TNIP3: variants seen among roughly 807,000 people sequenced by gnomAD.
The protein encoded by TNIP3 is TNFAIP3 interacting protein 3.
A neutral mutation model predicts 54.1 loss-of-function variants in TNIP3; 34 were observed. The ratio of observed to expected loss-of-function variants is 0.63; its 90% CI spans 0.48 to 0.84. The LOEUF (loss-of-function observed/expected upper bound fraction) is 0.84, where lower values mean the gene tolerates loss of function less well. TNIP3 is among the 40% of genes least tolerant of loss of function. The pLI, the probability that TNIP3 is intolerant of heterozygous loss-of-function variation, is 0.00. For synonymous variants in TNIP3, 134 were observed against 136.8 expected (o/e 0.98, Z 0.14); for missense variants, 366 against 387.6 (o/e 0.94, Z 0.47).
chr4:121,209,114 G>GTGC (rs1449943740), intron 2 of TNIP3, among the ~76,000 whole-genome samples: 1 of 152,254 alleles, frequency 6.6e-6, no homozygotes, highest in Non-Finnish European at 1.5e-5. Context: ...ACACATTGAT[G>GTGC]TGCTGGGAAG....
chr4:121,181,184 G>A (rs142000585), intron 3 of TNIP3, among the ~76,000 whole-genome samples: 2,330 of 152,312 alleles, frequency 0.015, 27 homozygotes, highest in Middle Eastern at 0.024. Context: ...GAATTGCAAA[G>A]AAGGTCAGTC....
intron 4 of TNIP3, among the ~76,000 whole-genome samples, chr4:121,155,791 A>G (rs1277463753): frequency 2.0e-5 from 3 of 152,238 alleles, no homozygotes; most frequent in South Asian, 4.1e-4. Flanking sequence ...AATAGCTAAT[A>G]TATGTGTTAA....
chr4:121,152,458 A>C (rs1040907182), intron 5 of TNIP3, among the ~76,000 whole-genome samples: 2 of 152,106 alleles, frequency 1.3e-5, no homozygotes. Flanking sequence ...GCATCCTTTT[A>C]TTTTTTGCTC....
At chr4:121,188,446 T>C (rs1725134519) in intron 2 of TNIP3, among the ~76,000 whole-genome samples, 1 of 152,172 alleles carries the variant, frequency 6.6e-6, no homozygotes, top group Non-Finnish European at 1.5e-5. Flanking sequence ...GATTTTCAGG[T>C]GTTTGGAGCC....
At chr4:121,197,440 A>C (rs545275200) in intron 2 of TNIP3, among the ~76,000 whole-genome samples, 3 of 151,506 alleles carry the variant, frequency 2.0e-5, no homozygotes, top group South Asian at 2.1e-4. Context: ...AGGCAGGGGA[A>C]TCGCTTGAGC....
chr4:121,186,927 A>G (rs1232980643), intron 2 of TNIP3, among the ~76,000 whole-genome samples: 1 of 152,232 alleles, frequency 6.6e-6, no homozygotes, highest in Non-Finnish European at 1.5e-5. Flanking sequence ...TAATTAATAT[A>G]GGAATTTGTA....
Position 121,225,390 on chromosome 4 carries a change from C to T in TNIP3, c.3+1995G>A, listed in dbSNP as rs540899619. On this transcript the variant is annotated intron_variant, in intron 1 of 12. Coordinates refer to the TNIP3 transcript ENST00000509841. ...TTTCAAATATAATTGATTTTTTACT[C>T]ATGCTCTGTGCAATTTCATTAGAAA... is the stretch of plus-strand genomic sequence containing the variant. 4.9e-4 allele frequency among the ~76,000 whole-genome samples: 74 copies of T among 152,328 alleles called. 1 individual carries two copies. Among genetic ancestry groups the T allele is most frequent in the Non-Finnish European group, 2.1e-4 (14 of 68,034 alleles).
intron 1 of TNIP3, 73 bp downstream of exon 1, chr4:121,163,987 G>A: frequency 6.4e-7 from 1 of 1,552,512 alleles, no homozygotes; most frequent in Non-Finnish European, 8.8e-7. Flanking sequence ...TTATTAATAA[G>A]TGCACAATTA....
At chr4:121,196,186 G>A (rs140145551) in intron 2 of TNIP3, among the ~76,000 whole-genome samples, 1 of 152,276 alleles carries the variant, frequency 6.6e-6, no homozygotes, top group Non-Finnish European at 1.5e-5. Flanking sequence ...AGGAATAAAT[G>A]ATCCATTTTC....
At chr4:121,174,770 C>T (rs552196732) in intron 3 of TNIP3, among the ~76,000 whole-genome samples, 1 of 152,164 alleles carries the variant, frequency 6.6e-6, no homozygotes, top group African/African-American at 2.4e-5. Flanking sequence ...GCCTCACTCT[C>T]CCCACAAGTA....
Position 121,209,261 on chromosome 4 carries a change from TCCTTCTCATGAATTACCAAA to T in TNIP3, c.68+7134_68+7153del, listed in dbSNP as rs1726348922. ...ACATGTGTTTCCTGAGTTCTGTGAG[TCCTTCTCATGAATTACCAAA>T]CCTGAGGATGGGGTTGTGGTAACCT... On this transcript the variant is annotated intron_variant, in intron 2 of 12. Coordinates refer to the TNIP3 transcript ENST00000507879. 2.6e-5 allele frequency among the ~76,000 whole-genome samples: 4 copies of T among 152,312 alleles called. No individual in the cohort carries two copies. In the South Asian group the frequency reaches 8.3e-4, roughly 32 times the overall value.
At chr4:121,209,900 G>C (rs1467840522) in intron 2 of TNIP3, among the ~76,000 whole-genome samples, 1 of 152,066 alleles carries the variant, frequency 6.6e-6, no homozygotes, top group Non-Finnish European at 1.5e-5. Flanking sequence ...CTAGTTGGTG[G>C]CACATTTTTC....
chr4:121,176,905 C>T (rs1389152936), intron 3 of TNIP3, among the ~76,000 whole-genome samples: 1 of 152,128 alleles, frequency 6.6e-6, no homozygotes, highest in Non-Finnish European at 1.5e-5. Context: ...CTGGGAGTTC[C>T]TCCCTTAACT....
chr4:121,195,409 T>C (rs566482375), intron 2 of TNIP3, among the ~76,000 whole-genome samples: 1 of 152,334 alleles, frequency 6.6e-6, no homozygotes, highest in South Asian at 2.1e-4. Context: ...AGCATTACCT[T>C]TGGCTAGAAA....
At chr4:121,207,545 C>T (rs1234286759) in intron 2 of TNIP3, among the ~76,000 whole-genome samples, 2 of 152,132 alleles carry the variant, frequency 1.3e-5, no homozygotes, top group Non-Finnish European at 2.9e-5. Flanking sequence ...TATTTAACTA[C>T]TTTAACACTG....
intron 5 of TNIP3, chr4:121,154,296 C>G: frequency 2.3e-6 from 1 of 427,660 alleles, no homozygotes; most frequent in African/African-American, 2.1e-5. Context: ...AATGTTCTTA[C>G]TGTCTCTGTA....
At chr4:121,166,724 A>G (rs1421673235), upstream of TNIP3, among the ~76,000 whole-genome samples, 2 of 152,216 alleles carry the variant, frequency 1.3e-5, no homozygotes, top group Admixed American at 6.5e-5. Context: ...TCTATAAGTT[A>G]TTGGAGGCAT....
intron 2 of TNIP3, among the ~76,000 whole-genome samples, chr4:121,194,861 T>TACAC (rs767171822): frequency 6.7e-6 from 1 of 148,510 alleles, no homozygotes; most frequent in Non-Finnish European, 1.5e-5. Flanking sequence ...AAAAAAAAAG[T>TACAC]ACACACACAC....
intron 2 of TNIP3, among the ~76,000 whole-genome samples, chr4:121,215,202 T>C (rs1726715685): frequency 6.6e-6 from 1 of 152,162 alleles, no homozygotes; most frequent in Admixed American, 6.5e-5. Context: ...GTCATGATTT[T>C]CATATTGAAA....
Sources: gnomAD v4.1 joint callset for allele counts (sites outside exome capture counted in the v4.1 genomes callset) on GRCh38, gnomAD v4.1.1 for gene constraint, MANE v1.5 for transcripts, NCBI Gene and HGNC (gene_info 2026-07-23, HGNC 2026-07-21) for gene names.